The following RGS7 variants were observed in gnomAD, a reference collection of about 807,000 sequenced individuals.
The protein encoded by RGS7 is regulator of G protein signaling 7, also known as regulator of G-protein signaling 7.
In RGS7, 27 loss-of-function variants were observed where a neutral mutation model predicts 81.1. The ratio of observed to expected loss-of-function variants is 0.33; its 90% CI spans 0.25 to 0.46. The LOEUF (loss-of-function observed/expected upper bound fraction) is 0.46. RGS7 is among the 20% of genes least tolerant of loss of function. The pLI is 1.00. For synonymous variants in RGS7, 208 were observed against 207.7 expected, an observed-to-expected ratio of 1.00 and a Z score of -0.01; for missense variants, 396 against 607.4, an observed-to-expected ratio of 0.65 and a Z score of 3.66.
intron 6 of RGS7, among the ~76,000 whole-genome samples, chr1:240,874,705 G>A (rs534883943): frequency 2.0e-5 from 3 of 152,154 alleles, no homozygotes; most frequent in Non-Finnish European, 2.9e-5. Flanking sequence ...TAACATTTCC[G>A]TCACTTCACA....
chr1:241,354,793 A>C (rs1470625085), intron 2 of RGS7, among the ~76,000 whole-genome samples: 1 of 152,204 alleles, frequency 6.6e-6, no homozygotes, highest in African/African-American at 2.4e-5. Flanking sequence ...TACCATTGTT[A>C]GTGTTAACTA....
chr1:240,808,893 AT>A (rs1180440180), intron 14 of RGS7, among the ~76,000 whole-genome samples: 2 of 91,130 alleles, frequency 2.2e-5, no homozygotes, highest in Non-Finnish European at 2.5e-5. Flanking sequence ...AAAAAAAAAA[AT>A]CCTATATCCT....
At chr1:241,009,457 T>C (rs980393945) in intron 3 of RGS7, among the ~76,000 whole-genome samples, 9 of 152,144 alleles carry the variant, frequency 5.9e-5, no homozygotes, top group African/African-American at 1.9e-4. Flanking sequence ...GTTGACAGAA[T>C]GTAGGAAGAG....
chr1:241,113,946 C>T (rs747312340), intron 2 of RGS7, among the ~76,000 whole-genome samples: 17 of 152,132 alleles, frequency 1.1e-4, no homozygotes, highest in Non-Finnish European at 2.2e-4. Flanking sequence ...CATATGTGTA[C>T]ATGTCTTATT....
intron 3 of RGS7, among the ~76,000 whole-genome samples, chr1:240,987,522 T>A (rs892169560): frequency 4.0e-5 from 6 of 151,792 alleles, no homozygotes; most frequent in African/African-American, 1.5e-4. Flanking sequence ...ATGTTATAAC[T>A]ATTCTTCTTT....
chr1:241,306,130 A>T (rs77464784), intron 2 of RGS7, among the ~76,000 whole-genome samples: 9 of 71,176 alleles, frequency 1.3e-4, no homozygotes, highest in Middle Eastern at 0.013. Flanking sequence ...TCTCTTTTTC[A>T]CACACACACA....
At position 241,164,168 on chromosome 1, in the gene RGS7, G is replaced by T. The variant is rs1018165386; in HGVS notation, c.79-65406C>A. On this transcript the variant is annotated intron_variant, in intron 2 of 18. Coordinates refer to ENST00000440928, the MANE Select transcript of RGS7 (RefSeq NM_001364886.1). This position sits in a 1 kb window ranked among gnomAD's most constrained non-coding sequence, Gnocchi z 4.1. ...CAGGTGAAGAGATGCATAGGGTGAG[G>T]TATGGAGGAAGGGTTGTGGAGCTTC... Among the ~76,000 whole-genome samples the T allele has an allele frequency of 2.6e-4, 40 of 152,118 alleles. No individual in the cohort carries two copies. Among genetic ancestry groups the T allele is most frequent in the African/African-American group, 9.7e-4 (40 of 41,428 alleles).
At chr1:240,884,392 C>T (rs1468032711) in intron 6 of RGS7, among the ~76,000 whole-genome samples, 2 of 152,090 alleles carry the variant, frequency 1.3e-5, no homozygotes, top group African/African-American at 4.8e-5. Context: ...TTCAGTATCC[C>T]CTAATTCAGC....
chr1:240,783,639 A>G (rs915967045), intron 18 of RGS7, among the ~76,000 whole-genome samples: 7 of 151,822 alleles, frequency 4.6e-5, no homozygotes, highest in African/African-American at 1.7e-4. Flanking sequence ...AATAAAAAAT[A>G]AAAAATAAAA....
intron 3 of RGS7, among the ~76,000 whole-genome samples, chr1:241,058,694 G>A (rs1043963012): frequency 1.3e-5 from 2 of 152,312 alleles, no homozygotes; most frequent in Middle Eastern, 3.4e-3. Context: ...TAAAGACGAT[G>A]TTCATCTTTG....
chr1:240,936,204 G>C (rs1288481633), intron 5 of RGS7, among the ~76,000 whole-genome samples: 1 of 152,180 alleles, frequency 6.6e-6, no homozygotes, highest in East Asian at 1.9e-4. Flanking sequence ...TTATTAATTA[G>C]CTGAATCCTA....
chr1:241,289,179 C>T (rs777737372), intron 2 of RGS7, among the ~76,000 whole-genome samples: 6 of 152,220 alleles, frequency 3.9e-5, no homozygotes, highest in Non-Finnish European at 8.8e-5. Flanking sequence ...ATGCTTAGCA[C>T]ACAAGCCTTC....
At chr1:241,042,461 CTTTTT>C (rs1456313508) in intron 3 of RGS7, among the ~76,000 whole-genome samples, 1 of 152,100 alleles carries the variant, frequency 6.6e-6, no homozygotes, top group Non-Finnish European at 1.5e-5. Context: ...AGATATGTCT[CTTTTT>C]TATTTTACTA....
Position 240,864,847 on chromosome 1 carries a change from T to C in RGS7, c.609+3740A>G, listed in dbSNP as rs560612520. On this transcript the variant is annotated intron_variant, in intron 9 of 18. Coordinates refer to ENST00000440928, the MANE Select transcript of RGS7 (RefSeq NM_001364886.1). The stretch of plus-strand genomic sequence containing the variant: ...GTTATTCTGGTTGGGACCTCAGAAC[T>C]GAAGACAAAGGTTGTGATGCTCCTT... Among the ~76,000 whole-genome samples, 3 of 152,312 alleles carry C rather than the reference T, an allele frequency of 2.0e-5. No individual in the cohort carries two copies. The East Asian group carries it at 5.8e-4, about 29-fold the overall frequency.
chr1:240,882,324 G>A (rs1007129667), intron 6 of RGS7, among the ~76,000 whole-genome samples: 1 of 152,172 alleles, frequency 6.6e-6, no homozygotes, highest in African/African-American at 2.4e-5. Context: ...AAAAGAATTA[G>A]ACCTGTGAAT....
intron 2 of RGS7, among the ~76,000 whole-genome samples, chr1:241,235,498 G>A (rs1293616404): frequency 3.3e-5 from 5 of 152,184 alleles, no homozygotes; most frequent in South Asian, 2.1e-4. Flanking sequence ...TTTAGCTGAC[G>A]GAATGAATGA....
chr1:240,927,432 C>G (rs574097659), intron 6 of RGS7, among the ~76,000 whole-genome samples: 62 of 152,300 alleles, frequency 4.1e-4, no homozygotes, highest in Non-Finnish European at 7.2e-4. Context: ...TTAGAAAAGA[C>G]AGCCTAAGTA....
chr1:240,817,237 C>G (rs944396646), intron 10 of RGS7, among the ~76,000 whole-genome samples: 3 of 152,116 alleles, frequency 2.0e-5, no homozygotes, highest in Non-Finnish European at 4.4e-5. Context: ...TCTTGGATAT[C>G]AAAGTATTAT....
chr1:240,997,492 C>T (rs559605487), intron 3 of RGS7, among the ~76,000 whole-genome samples: 1 of 152,150 alleles, frequency 6.6e-6, no homozygotes, highest in East Asian at 1.9e-4. Flanking sequence ...TCATATCAGA[C>T]GTTGTTACAT....
Sources: allele counts gnomAD v4.1 joint callset (sites outside exome capture counted in the v4.1 genomes callset), GRCh38; gene constraint gnomAD v4.1.1; non-coding constraint Gnocchi (gnomAD v3.1); transcripts MANE v1.5; gene names NCBI Gene and HGNC (gene_info 2026-07-23, HGNC 2026-07-21).